The following SEMA3E variants were observed in gnomAD, a reference collection of about 807,000 sequenced individuals.
SEMA3E encodes semaphorin-3E.
In SEMA3E, 49 loss-of-function variants were observed where a neutral mutation model predicts 93.6. The observed-to-expected ratio is 0.52, with a 90% CI of 0.42 to 0.66. The LOEUF (loss-of-function observed/expected upper bound fraction) is 0.66. SEMA3E is among the 30% of genes least tolerant of loss of function. The pLI is 0.00. For missense variants in SEMA3E, 906 were observed against 964.8 expected, an observed-to-expected ratio of 0.94 and a Z score of 0.81; for synonymous variants, 363 against 330.7, an observed-to-expected ratio of 1.10 and a Z score of -1.06.
intron 1 of SEMA3E, among the ~76,000 whole-genome samples, chr7:83,585,910 C>T (rs1011866809): frequency 6.6e-6 from 1 of 152,110 alleles, no homozygotes; most frequent in African/African-American, 2.4e-5. Flanking sequence ...TGCCTTGCTA[C>T]CTACTTCATG....
chr7:83,427,211 TTTTC>T (rs1253993509), intron 4 of SEMA3E, among the ~76,000 whole-genome samples: 111 of 152,070 alleles, frequency 7.3e-4, no homozygotes, highest in East Asian at 3.7e-3. Flanking sequence ...TTTTTTTCTT[TTTTC>T]TTTCTTTCTT....
At chr7:83,591,671 G>A (rs536154184) in intron 1 of SEMA3E, among the ~76,000 whole-genome samples, 8 of 151,846 alleles carry the variant, frequency 5.3e-5, no homozygotes, top group Non-Finnish European at 1.2e-4. Context: ...TCACAGATGG[G>A]CAATCTCACA....
intron 1 of SEMA3E, among the ~76,000 whole-genome samples, chr7:83,635,930 A>G: frequency 6.6e-6 from 1 of 151,420 alleles, no homozygotes; most frequent in East Asian, 1.9e-4. Context: ...TCTGAAAAAA[A>G]ACAAAGATGG....
At chr7:83,581,602 A>T (rs1366388149) in intron 1 of SEMA3E, among the ~76,000 whole-genome samples, 1 of 152,050 alleles carries the variant, frequency 6.6e-6, no homozygotes. Flanking sequence ...TGCACCATGG[A>T]AAAGCAATTT....
chr7:83,501,542 T>G (rs1221699752), intron 1 of SEMA3E, among the ~76,000 whole-genome samples: 1 of 152,100 alleles, frequency 6.6e-6, no homozygotes, highest in East Asian at 1.9e-4. Context: ...AACCTCCACC[T>G]CCCGGGTTCA....
chr7:83,601,708 T>C (rs1430689656), intron 1 of SEMA3E, among the ~76,000 whole-genome samples: 3 of 152,118 alleles, frequency 2.0e-5, no homozygotes. Context: ...AAAATCAAGC[T>C]ACAGATATAG....
rs949931913 is a variant in SEMA3E, at chr7:83,364,762, C to T, written c.*2824G>A. Reference sequence around the variant, plus strand: ...AGGAGACCGGCCCTCGATGGAGGTGCCTCTTAGAAATTAGATGAGTGGTTA... The same window carrying T: ...AGGAGACCGGCCCTCGATGGAGGTGTCTCTTAGAAATTAGATGAGTGGTTA... On this transcript the variant is annotated 3_prime_UTR_variant, in exon 17 of 17. Coordinates refer to ENST00000643230, the MANE Select transcript of SEMA3E (RefSeq NM_012431.3). 1.3e-5 allele frequency: 2 copies of T among 152,080 alleles called. No individual in the cohort carries two copies. Among genetic ancestry groups the T allele is most frequent in the African/African-American group, 2.4e-5 (1 of 41,428 alleles). The allele number at this position is 152,080 out of a possible 1,614,324, so 9.4% of individuals were successfully genotyped here.
intron 4 of SEMA3E, among the ~76,000 whole-genome samples, chr7:83,427,212 TTTC>T (rs1788791253): frequency 6.6e-6 from 1 of 151,746 alleles, no homozygotes; most frequent in Non-Finnish European, 1.5e-5. Context: ...TTTTTTCTTT[TTTC>T]TTTCTTTCTT....
chr7:83,561,753 T>C (rs1792033544), intron 1 of SEMA3E, among the ~76,000 whole-genome samples: 1 of 152,144 alleles, frequency 6.6e-6, no homozygotes, highest in Non-Finnish European at 1.5e-5. Flanking sequence ...TTCAACAATA[T>C]GCTAATGAAA....
At chr7:83,424,899 C>A in intron 4 of SEMA3E, 1 of 278,828 alleles carries the variant, frequency 3.6e-6, no homozygotes, top group South Asian at 4.7e-5. Context: ...GATGCCTACT[C>A]AGGAGGTGCT....
At chr7:83,639,846 AG>A (rs1793967895) in intron 1 of SEMA3E, among the ~76,000 whole-genome samples, 2 of 151,862 alleles carry the variant, frequency 1.3e-5, no homozygotes, top group African/African-American at 4.8e-5. Context: ...TCCTAATACA[AG>A]TTTCAGAAGT....
chr7:83,462,143 C>T (rs1789636687), intron 4 of SEMA3E: 1 of 152,212 alleles, frequency 6.6e-6, no homozygotes, highest in Admixed American at 6.5e-5. Flanking sequence ...CCGACACTGC[C>T]CGATCACCTC....
intron 4 of SEMA3E, among the ~76,000 whole-genome samples, chr7:83,424,353 C>T (rs1462538485): frequency 6.6e-6 from 1 of 152,130 alleles, no homozygotes; most frequent in Non-Finnish European, 1.5e-5. Flanking sequence ...TGTCCTGAAA[C>T]TTGATTGTTA....
intron 16 of SEMA3E, among the ~76,000 whole-genome samples, chr7:83,377,320 AC>A (rs1227915290): frequency 1.3e-5 from 2 of 151,996 alleles, no homozygotes; most frequent in African/African-American, 4.8e-5. Flanking sequence ...ATAGGGCTTT[AC>A]TTGTGTATGC....
At chr7:83,591,743 A>G (rs190863639) in intron 1 of SEMA3E, among the ~76,000 whole-genome samples, 100 of 152,174 alleles carry the variant, frequency 6.6e-4, no homozygotes, top group Middle Eastern at 6.8e-3. Flanking sequence ...ATATCTTTGC[A>G]TTTCAAGGGT....
At chr7:83,456,625 A>ATTTG (rs1336772916) in intron 4 of SEMA3E, among the ~76,000 whole-genome samples, 5 of 10,698 alleles carry the variant, frequency 4.7e-4, no homozygotes, top group Non-Finnish European at 1.2e-3. Context: ...TTTATTTATT[A>ATTTG]TTTTTGAGTT....
intron 1 of SEMA3E, among the ~76,000 whole-genome samples, chr7:83,494,913 T>C (rs1023137240): frequency 6.6e-6 from 1 of 151,980 alleles, no homozygotes; most frequent in Non-Finnish European, 1.5e-5. Context: ...TTGAATGTGT[T>C]GTGAACAATT....
intron 1 of SEMA3E, among the ~76,000 whole-genome samples, chr7:83,505,823 G>C (rs879021018): frequency 6.6e-6 from 1 of 151,780 alleles, no homozygotes; most frequent in South Asian, 2.1e-4. Flanking sequence ...AGAACATCCT[G>C]GCTAACATGG....
rs2115643764 is a variant in SEMA3E, at chr7:83,406,114, A to G, written c.814-55T>C. 2.5e-6 allele frequency: 3 copies of G among 1,220,558 alleles called. No homozygotes were observed. The South Asian group carries it at 3.6e-5, about 15-fold the overall frequency. 75.6% of individuals were successfully genotyped at this position (1,220,558 alleles called of 1,614,324 possible). ...TACCTAAAGAATTTCGACCAACCACAGATTTCATATTATTAAACATGCAGT... is the reference window on the plus strand; with the variant it reads ...TACCTAAAGAATTTCGACCAACCACGGATTTCATATTATTAAACATGCAGT... On this transcript the variant is annotated intron_variant, in intron 7 of 16. Transcript: ENST00000643230.
Sources: allele counts gnomAD v4.1 joint callset (sites outside exome capture counted in the v4.1 genomes callset), GRCh38; gene constraint gnomAD v4.1.1; transcripts MANE v1.5; gene names NCBI Gene and HGNC (gene_info 2026-07-23, HGNC 2026-07-21).